ZNF385B: variants seen among roughly 807,000 people sequenced by gnomAD.
ZNF385B encodes zinc finger protein 385B, also known as zinc finger protein 533.
In ZNF385B, 23 loss-of-function variants were observed where a neutral mutation model predicts 39.2. That is an observed-to-expected ratio of 0.59 (90% confidence interval 0.42 to 0.83). The LOEUF (loss-of-function observed/expected upper bound fraction) is 0.83. Among genes scored for constraint, ZNF385B ranks in the 40% least tolerant of loss-of-function variants. The pLI is 0.00. For missense variants in ZNF385B, 552 were observed against 598.9 expected (o/e 0.92, Z 0.82); for synonymous variants, 205 against 222.6 (o/e 0.92, Z 0.70).
chr2:179,832,608 C>T (rs1414105246), intron 1 of ZNF385B, among the ~76,000 whole-genome samples: 1 of 152,174 alleles, frequency 6.6e-6, no homozygotes, highest in African/African-American at 2.4e-5. Context: ...ACCTCATTTT[C>T]AAAAGCTTAC....
Position 179,443,237 on chromosome 2 carries a change from G to C in ZNF385B, c.*13C>G. ...CTTCCTACTGGCCTCAAACGTCTTG[G>C]GGTTTGCAGACGTTAGTACGGAGCA... On this transcript the variant is annotated 3_prime_UTR_variant, in exon 10 of 10. Transcript: ENST00000410066. 1 of 1,611,824 alleles carries C rather than the reference G, an allele frequency of 6.2e-7. No homozygotes were observed. Among genetic ancestry groups the C allele is most frequent in the Non-Finnish European group, 8.5e-7 (1 of 1,179,672 alleles).
intron 3 of ZNF385B, among the ~76,000 whole-genome samples, chr2:179,699,693 G>T (rs1235725376): frequency 3.9e-5 from 6 of 152,138 alleles, no homozygotes; most frequent in Non-Finnish European, 8.8e-5. Flanking sequence ...GAGCAGGGAG[G>T]TTTCTTGTGT....
intron 3 of ZNF385B, among the ~76,000 whole-genome samples, chr2:179,714,382 G>A (rs1453625059): frequency 6.6e-6 from 1 of 152,098 alleles, no homozygotes; most frequent in African/African-American, 2.4e-5. Flanking sequence ...ACTTATCGAA[G>A]AATATCCAAT....
At chr2:179,826,032 C>T (rs1206772794) in intron 1 of ZNF385B, among the ~76,000 whole-genome samples, 12 of 152,088 alleles carry the variant, frequency 7.9e-5, no homozygotes, top group Admixed American at 7.2e-4. Flanking sequence ...CTCTTTTGTC[C>T]TCCTTTTTAC....
intron 4 of ZNF385B, among the ~76,000 whole-genome samples, chr2:179,531,093 G>GA (rs2059223634): frequency 6.6e-6 from 1 of 152,070 alleles, no homozygotes; most frequent in African/African-American, 2.4e-5. Context: ...CTACCAGCCT[G>GA]ATTTTAGTCT....
chr2:179,812,670 T>C (rs560694006), intron 1 of ZNF385B, among the ~76,000 whole-genome samples: 6 of 152,066 alleles, frequency 3.9e-5, no homozygotes, highest in East Asian at 1.9e-4. Flanking sequence ...GGGGAAAGGG[T>C]TGACAAACTA....
intron 1 of ZNF385B, among the ~76,000 whole-genome samples, chr2:179,800,450 T>C (rs1363529840): frequency 2.0e-5 from 3 of 152,026 alleles, no homozygotes; most frequent in Admixed American, 2.0e-4. Flanking sequence ...GCTGAGGAAA[T>C]TTGCCATTCT....
At chr2:179,744,420 A>G (rs1036189912) in intron 3 of ZNF385B, among the ~76,000 whole-genome samples, 7 of 152,152 alleles carry the variant, frequency 4.6e-5, no homozygotes, top group African/African-American at 1.7e-4. Flanking sequence ...CCATAAAAAG[A>G]GCTGCTAAAC....
intron 3 of ZNF385B, among the ~76,000 whole-genome samples, chr2:179,713,992 T>A (rs1244584406): frequency 6.6e-6 from 1 of 152,180 alleles, no homozygotes; most frequent in Admixed American, 6.5e-5. Flanking sequence ...ACTTATCATG[T>A]CAGGAAAGGT....
intron 3 of ZNF385B, among the ~76,000 whole-genome samples, chr2:179,643,905 C>T (rs1692485693): frequency 6.6e-6 from 1 of 152,006 alleles, no homozygotes; most frequent in African/African-American, 2.4e-5. Context: ...ACAATGTTAG[C>T]TCACAGATGA....
intron 4 of ZNF385B, among the ~76,000 whole-genome samples, chr2:179,524,738 T>C (rs2058776347): frequency 6.6e-6 from 1 of 151,882 alleles, no homozygotes; most frequent in Non-Finnish European, 1.5e-5. Flanking sequence ...CTCTACTCAA[T>C]TGGAGGCTGG....
At chr2:179,757,343 C>A (rs935980750) in intron 3 of ZNF385B, among the ~76,000 whole-genome samples, 1 of 152,180 alleles carries the variant, frequency 6.6e-6, no homozygotes, top group Non-Finnish European at 1.5e-5. Flanking sequence ...CAGAGGGGTA[C>A]CCAGCTGTGT....
intron 1 of ZNF385B, chr2:179,796,110 T>C (rs1325690525): frequency 6.6e-6 from 1 of 152,162 alleles, no homozygotes; most frequent in East Asian, 1.9e-4. Context: ...TGTACTCTTA[T>C]ACCAATCTTG....
At chr2:179,720,811 A>G (rs1287033807) in intron 3 of ZNF385B, among the ~76,000 whole-genome samples, 1 of 151,970 alleles carries the variant, frequency 6.6e-6, no homozygotes, top group East Asian at 1.9e-4. Context: ...CCCAGGCTGG[A>G]ATGCAGTGAT....
intron 3 of ZNF385B, among the ~76,000 whole-genome samples, chr2:179,616,708 T>A (rs145733069): frequency 6.6e-6 from 1 of 152,116 alleles, no homozygotes; most frequent in South Asian, 2.1e-4. Context: ...CACAGTTGCA[T>A]GCTGCCAGGC....
At position 179,642,299 on chromosome 2, in the gene ZNF385B, T is replaced by A. The variant is rs533894978; in HGVS notation, c.299-97330A>T. ...GAAGATCTCTAGGGCATAAGACACA[T>A]CAGCTTCCCTTCTGATGGTCAATAA... On this transcript the variant is annotated intron_variant, in intron 3 of 9. Transcript: ENST00000410066. Among the ~76,000 whole-genome samples, 10 of 152,264 alleles carry A rather than the reference T, an allele frequency of 6.6e-5. No homozygotes were observed. The South Asian group carries it at 1.0e-3, about 16-fold the overall frequency.
intron 3 of ZNF385B, among the ~76,000 whole-genome samples, chr2:179,744,800 A>T (rs1702284274): frequency 6.6e-6 from 1 of 152,126 alleles, no homozygotes; most frequent in Non-Finnish European, 1.5e-5. Context: ...GACACTTAAT[A>T]AGCACAATGC....
In ZNF385B at chr2:179,846,361, G is replaced by A. The variant is rs555476824; in HGVS notation, c.-155+14740C>T. Among the ~76,000 whole-genome samples the A allele has an allele frequency of 7.2e-5, 11 of 152,250 alleles. No homozygotes were observed. The South Asian group carries it at 2.1e-3, about 29-fold the overall frequency. ...GTTGCTGGCTTGTTCTGTTACATTT[G>A]CATATTTTCAAATGGAAATTTGCCG... On this transcript the variant is annotated intron_variant, in intron 1 of 9. Coordinates refer to ENST00000410066, the MANE Select transcript of ZNF385B (RefSeq NM_152520.6).
At chr2:179,762,907 A>T (rs942918797) in intron 3 of ZNF385B, among the ~76,000 whole-genome samples, 2 of 151,872 alleles carry the variant, frequency 1.3e-5, no homozygotes, top group African/African-American at 2.4e-5. Flanking sequence ...TTTTAAATTT[A>T]TGTTTATGTT....
Sources: gnomAD v4.1 joint callset for allele counts (sites outside exome capture counted in the v4.1 genomes callset) on GRCh38, gnomAD v4.1.1 for gene constraint, MANE v1.5 for transcripts, NCBI Gene and HGNC (gene_info 2026-07-23, HGNC 2026-07-21) for gene names.